Variants in ANKRD36C observed in about 807,000 individuals in gnomAD.
ANKRD36C encodes ankyrin repeat domain 36C, also known as ankyrin repeat domain-containing protein 36C.
Under a neutral mutation model 276.4 loss-of-function variants are expected in ANKRD36C, and 61 were observed. The ratio of observed to expected loss-of-function variants is 0.22; its 90% CI spans 0.18 to 0.27. The LOEUF (loss-of-function observed/expected upper bound fraction) is 0.27. Among genes scored for constraint, ANKRD36C ranks in the 10% least tolerant of loss-of-function variants. The probability of loss-of-function intolerance (pLI) is 1.00; values close to 1 mark genes in which losing one functional copy is unlikely to be tolerated. For missense variants in ANKRD36C, 1,447 were observed against 2,032.3 expected, an observed-to-expected ratio of 0.71 and a Z score of 5.54; for synonymous variants, 483 against 680.1, an observed-to-expected ratio of 0.71 and a Z score of 4.51.
intron 59 of ANKRD36C, among the ~76,000 whole-genome samples, chr2:95,874,101 G>T (rs967682423): frequency 6.6e-5 from 10 of 151,980 alleles, no homozygotes; most frequent in Non-Finnish European, 1.2e-4. Flanking sequence ...TGGCCATACT[G>T]CCCAAGGTAA....
chr2:95,859,897 T>C, exon 61 of ANKRD36C: 1 of 1,550,320 alleles, frequency 6.5e-7, no homozygotes, highest in Non-Finnish European at 8.7e-7. Context: ...TTCAAGTGTT[T>C]CATGCTTTAA....
intron 14 of ANKRD36C, among the ~76,000 whole-genome samples, chr2:95,952,505 A>G (rs1202625220): frequency 7.8e-4 from 116 of 148,978 alleles, no homozygotes; most frequent in African/African-American, 3.0e-3. Flanking sequence ...AAAGGTATTT[A>G]ATAGAACATG....
At chr2:95,949,234 C>T (rs896848343) in intron 16 of ANKRD36C, among the ~76,000 whole-genome samples, 8 of 152,148 alleles carry the variant, frequency 5.3e-5, no homozygotes, top group African/African-American at 1.9e-4. Context: ...ATATTCTTCA[C>T]AGAAGATTAA....
intron 30 of ANKRD36C, among the ~76,000 whole-genome samples, chr2:95,924,602 T>G (rs1677357080): frequency 6.6e-6 from 1 of 151,652 alleles, no homozygotes; most frequent in Admixed American, 6.6e-5. Flanking sequence ...AAGCCAGCAC[T>G]TTGGAAAAAA....
intron 30 of ANKRD36C, among the ~76,000 whole-genome samples, 193 bp downstream of exon 30, chr2:95,925,159 C>T (rs1399826051): frequency 1.3e-5 from 2 of 149,410 alleles, no homozygotes; most frequent in Admixed American, 1.3e-4. Flanking sequence ...GGGAACTCTA[C>T]AAGCTTGTTA....
intron 50 of ANKRD36C, 123 bp downstream of exon 70, chr2:95,887,802 G>A: frequency 8.1e-7 from 1 of 1,231,770 alleles, no homozygotes; most frequent in Admixed American, 2.4e-5. Context: ...TAAAAATGAA[G>A]AATGTCAGGC....
intron 60 of ANKRD36C, among the ~76,000 whole-genome samples, chr2:95,866,645 A>G (rs1675688126): frequency 6.6e-6 from 1 of 152,158 alleles, no homozygotes; most frequent in Non-Finnish European, 1.5e-5. Flanking sequence ...GTGTGACAAC[A>G]TAGCAACTGG....
rs545726253 is a variant in ANKRD36C at position 95,983,667 on chromosome 2, G to C, written c.487-1305C>G. 1.1e-4 allele frequency among the ~76,000 whole-genome samples: 16 copies of C among 151,834 alleles called. No homozygotes were observed. The South Asian group carries it at 3.3e-3, about 32-fold the overall frequency. On this transcript the variant is annotated intron_variant, in intron 3 of 66. Transcript: ENST00000456556. ...GCTCTGTCGCCCAGGCTGGAGTGCAGTGGTGCCATCTCGGCTCACTGCAAC... is the reference window on the plus strand; with the variant it reads ...GCTCTGTCGCCCAGGCTGGAGTGCACTGGTGCCATCTCGGCTCACTGCAAC...
At chr2:95,962,483 G>C in intron 7 of ANKRD36C, 36 bp downstream of exon 7, 1 of 1,596,214 alleles carries the variant, frequency 6.3e-7, no homozygotes, top group Non-Finnish European at 8.5e-7. Flanking sequence ...AGACTATATA[G>C]TTAATAGTTC....
At chr2:95,927,465 A>C in intron 26 of ANKRD36C, 56 bp from the exon 27 acceptor site, 1 of 1,602,072 alleles carries the variant, frequency 6.2e-7, no homozygotes. Flanking sequence ...AAATTTATCC[A>C]TACATTCATG....
At chr2:95,964,181 G>GA (rs80168070) in intron 6 of ANKRD36C, among the ~76,000 whole-genome samples, 478 of 101,780 alleles carry the variant, frequency 4.7e-3, no homozygotes, top group East Asian at 6.7e-3. Context: ...CTTTCCTAAA[G>GA]AAAAAAAAAA....
intron 22 of ANKRD36C, among the ~76,000 whole-genome samples, chr2:95,938,549 C>A (rs2104456956): frequency 6.6e-6 from 1 of 152,238 alleles, no homozygotes; most frequent in African/African-American, 2.4e-5. Flanking sequence ...TGTCAAAATA[C>A]ACCTACTCAA....
rs747708394 is a variant in ANKRD36C, at chr2:95,914,076, G to A, written c.2551+32C>T. On this transcript the variant is annotated intron_variant, in intron 40 of 66. Coordinates refer to ENST00000456556, the Ensembl canonical transcript of ANKRD36C. ...AGAGAATTTCTTATCTATCTCGACTGATCATGACATTAAATCTCTTTTCAA... is the reference window on the plus strand; with the variant it reads ...AGAGAATTTCTTATCTATCTCGACTAATCATGACATTAAATCTCTTTTCAA... The A allele has an allele frequency of 3.9e-6, 6 of 1,530,216 alleles. No individual in the cohort carries two copies. In the East Asian group the frequency reaches 1.4e-4, roughly 37 times the overall value. 94.8% of individuals were successfully genotyped at this position (1,530,216 alleles called of 1,614,324 possible).
Position 95,897,352 on chromosome 2 carries a change from AT to A in ANKRD36C, c.2755+1792del. ...TCTCATCTCTTGTAGCCTGAATGGAATTTGAAATGAAATAATAAATTAATAA... is the reference window on the plus strand; with the variant it reads ...TCTCATCTCTTGTAGCCTGAATGGAATTGAAATGAAATAATAAATTAATAA... On this transcript the variant is annotated intron_variant, in intron 44 of 66. Transcript: ENST00000456556. 9 of 1,556,474 alleles carry A rather than the reference AT, an allele frequency of 5.8e-6. 1 individual carries two copies. The highest frequency in any genetic ancestry group is 7.8e-6 in the Non-Finnish European group (9 of 1,146,526).
intron 60 of ANKRD36C, among the ~76,000 whole-genome samples, chr2:95,865,874 TG>T (rs1675674130): frequency 6.6e-6 from 1 of 152,048 alleles, no homozygotes; most frequent in Admixed American, 6.6e-5. Context: ...GACTTTACAG[TG>T]GGTTTACTGA....
At chr2:95,912,713 T>C (rs1424532965) in intron 40 of ANKRD36C, among the ~76,000 whole-genome samples, 2 of 151,462 alleles carry the variant, frequency 1.3e-5, no homozygotes, top group East Asian at 3.9e-4. Context: ...GTGGATATGC[T>C]GAGTGATGAG....
chr2:95,859,044 T>G (rs1675496646), intron 61 of ANKRD36C, among the ~76,000 whole-genome samples: 1 of 152,108 alleles, frequency 6.6e-6, no homozygotes, highest in African/African-American at 2.4e-5. Context: ...GGATACTTTT[T>G]TTTTTTTTGA....
chr2:95,941,109 CAT>C (rs1677875511), intron 20 of ANKRD36C, 49 bp downstream of exon 20: 1 of 1,416,666 alleles, frequency 7.1e-7, no homozygotes. Context: ...CAAAAAATAA[CAT>C]TATCATTATT....
chr2:95,922,367 A>G (rs1677296330), intron 32 of ANKRD36C, among the ~76,000 whole-genome samples: 1 of 151,642 alleles, frequency 6.6e-6, no homozygotes, highest in Non-Finnish European at 1.5e-5. Context: ...GAATCCGAGT[A>G]AATAATATTC....
Sources: allele counts gnomAD v4.1 joint callset (sites outside exome capture counted in the v4.1 genomes callset), GRCh38; gene constraint gnomAD v4.1.1; transcripts MANE v1.5; gene names NCBI Gene and HGNC (gene_info 2026-07-23, HGNC 2026-07-21).